ALPK2: variants seen among roughly 807,000 people sequenced by gnomAD.
ALPK2 encodes the protein alpha-protein kinase 2.
In ALPK2, 127 loss-of-function variants were observed where a neutral mutation model predicts 163.1. That is an observed-to-expected ratio of 0.78 (90% CI 0.67 to 0.90). ALPK2 has a LOEUF of 0.90. ALPK2 is among the 40% of genes least tolerant of loss of function. ALPK2 has a pLI of 0.00. For synonymous variants in ALPK2, 953 were observed against 959.1 expected (o/e 0.99, Z 0.12); for missense variants, 2,360 against 2,589.6 (o/e 0.91, Z 1.92).
At chr18:58,504,784 T>C (rs1363392286) in intron 10 of ALPK2, among the ~76,000 whole-genome samples, 1 of 152,080 alleles carries the variant, frequency 6.6e-6, no homozygotes, top group African/African-American at 2.4e-5. Context: ...GGCAGCTGTC[T>C]TATGTAGGGA....
At chr18:58,531,312 C>T (rs533259719) in intron 5 of ALPK2, among the ~76,000 whole-genome samples, 1 of 152,164 alleles carries the variant, frequency 6.6e-6, no homozygotes, top group East Asian at 1.9e-4. Flanking sequence ...GGTGGGAAGG[C>T]ATTAAATCTG....
At chr18:58,569,660 G>A (rs1228117267) in intron 4 of ALPK2, among the ~76,000 whole-genome samples, 1 of 152,174 alleles carries the variant, frequency 6.6e-6, no homozygotes, top group East Asian at 1.9e-4. Flanking sequence ...AATAACTGTA[G>A]TAAGCCAGGA....
At chr18:58,528,265 G>A (rs912362550) in intron 6 of ALPK2, among the ~76,000 whole-genome samples, 2 of 152,082 alleles carry the variant, frequency 1.3e-5, no homozygotes, top group African/African-American at 4.8e-5. Context: ...GACGCAGTGG[G>A]TCACTCCTGT....
chr18:58,627,044 T>C (rs1452733339), intron 1 of ALPK2, among the ~76,000 whole-genome samples: 1 of 152,184 alleles, frequency 6.6e-6, no homozygotes, highest in African/African-American at 2.4e-5. Flanking sequence ...AAACTGGGGT[T>C]CAAACAGGTT....
chr18:58,497,207 G>A (rs541717134), intron 12 of ALPK2, among the ~76,000 whole-genome samples: 4 of 152,296 alleles, frequency 2.6e-5, no homozygotes, highest in African/African-American at 4.8e-5. Flanking sequence ...TTGACCTTAC[G>A]ATACCTCATA....
At chr18:58,538,271 C>T (rs1187936699) in intron 4 of ALPK2, 47 bp from the exon 5 acceptor site, 2 of 1,526,424 alleles carry the variant, frequency 1.3e-6, no homozygotes, top group Non-Finnish European at 8.9e-7. Flanking sequence ...ATGGGAGAGC[C>T]CACAATAGGG....
intron 2 of ALPK2, among the ~76,000 whole-genome samples, chr18:58,608,968 AAAG>A (rs1291969707): frequency 2.7e-5 from 4 of 150,422 alleles, no homozygotes; most frequent in Non-Finnish European, 5.9e-5. Context: ...AAAAAAAAAA[AAAG>A]AAAAGAAAAG....
Position 58,537,199 on chromosome 18 carries a change from A to G in ALPK2, c.2988T>C (p.Asn996=), listed in dbSNP as rs188836557. The stretch of plus-strand genomic sequence containing the variant: ...TCTCCCTGGTCGCTTGAAAGCACTC[A>G]TTATTAGCAGTTAATGTTGTTGGCT... ...WEKPTTLTAN[N]ECFQATRETE... The change falls in exon 5 of 13, where the codon AAT becomes AAC. Residue 996 remains asparagine, a synonymous_variant. Coordinates refer to ENST00000361673, the MANE Select transcript of ALPK2 (RefSeq NM_052947.4). 8 of 1,614,114 alleles carry G rather than the reference A, an allele frequency of 5.0e-6. No individual in the cohort carries two copies. The highest frequency in any genetic ancestry group is 6.8e-6 in the Non-Finnish European group (8 of 1,179,986).
In ALPK2 at chr18:58,481,438, T is replaced by G; in HGVS notation, c.*385A>C. On this transcript the variant is annotated 3_prime_UTR_variant, in exon 13 of 13. Transcript: ENST00000361673. ...GCAGGATGTGTCTAGAAATCCCAGG[T>G]TAGGAATGACAGTGGGAAGAATTTT... 1 of 219,514 alleles carries G rather than the reference T, an allele frequency of 4.6e-6. No individual in the cohort carries two copies. Among genetic ancestry groups the G allele is most frequent in the Non-Finnish European group, 9.1e-6 (1 of 109,754 alleles). The allele number at this position is 219,514 out of a possible 1,614,324, so 13.6% of individuals were successfully genotyped here.
intron 4 of ALPK2, among the ~76,000 whole-genome samples, chr18:58,551,259 G>T (rs74761793): frequency 2.6e-5 from 4 of 152,156 alleles, no homozygotes; most frequent in Non-Finnish European, 5.9e-5. Flanking sequence ...GGCCAGAAGT[G>T]TGCATTCAAG....
At chr18:58,534,727 C>A in intron 5 of ALPK2, 107 bp downstream of exon 5, 1 of 1,417,482 alleles carries the variant, frequency 7.1e-7, no homozygotes. Flanking sequence ...CAATGCCCAC[C>A]TGGGGGACAC....
rs1156412157 is a variant in ALPK2, at chr18:58,551,123, C to CAAAA, written c.1963-12900_1963-12899insTTTT. Among the ~76,000 whole-genome samples the CAAAA allele has an allele frequency of 2.0e-3, 249 of 125,496 alleles. 1 individual carries two copies. The highest frequency in any genetic ancestry group is 4.3e-3 in the Admixed American group (52 of 12,122). The allele number at this position is 125,496 out of a possible 152,430, so 82.3% of individuals were successfully genotyped here. A position where few individuals can be genotyped will look rare whatever the true frequency, so the allele number is the denominator to read the frequency against. On this transcript the variant is annotated intron_variant, in intron 4 of 12. Coordinates refer to ENST00000361673, the MANE Select transcript of ALPK2 (RefSeq NM_052947.4). ...GAAACAAAAATGGAAAAAAAAAAAC[C>CAAAA]CACATTTTTTTTCTTAATAATTCAC...
chr18:58,502,808 C>T (rs76724286), intron 11 of ALPK2, among the ~76,000 whole-genome samples: 2,524 of 152,344 alleles, frequency 0.017, 76 homozygotes, highest in African/African-American at 0.057. Flanking sequence ...TTTTATCCGG[C>T]TTAGCTTGCC....
intron 4 of ALPK2, among the ~76,000 whole-genome samples, chr18:58,551,203 A>C (rs1007094366): frequency 6.6e-6 from 1 of 152,142 alleles, no homozygotes; most frequent in African/African-American, 2.4e-5. Flanking sequence ...AATGACCACA[A>C]ACTGGGCAGC....
At chr18:58,512,648 GGT>G (rs554665769) in intron 10 of ALPK2, among the ~76,000 whole-genome samples, 1,526 of 151,340 alleles carry the variant, frequency 0.01, 20 homozygotes, top group African/African-American at 0.035. Context: ...ACGTATGTGT[GGT>G]GTGTGTGTGC....
chr18:58,553,668 C>T (rs946603225), intron 4 of ALPK2, among the ~76,000 whole-genome samples: 2 of 152,028 alleles, frequency 1.3e-5, no homozygotes, highest in African/African-American at 4.8e-5. Context: ...AGGGCCTGTT[C>T]CCTGCTTCAC....
intron 8 of ALPK2, among the ~76,000 whole-genome samples, chr18:58,522,703 G>A (rs1436120668): frequency 2.6e-5 from 4 of 152,122 alleles, no homozygotes; most frequent in Non-Finnish European, 4.4e-5. Flanking sequence ...CCCAGTAGCT[G>A]AAAAATCCCA....
intron 4 of ALPK2, 78 bp downstream of exon 4, chr18:58,578,736 A>ACACACACGCGCGCATGCGCGCG (rs773192836): frequency 2.8e-5 from 21 of 760,806 alleles, no homozygotes; most frequent in Non-Finnish European, 4.1e-5. Context: ...AGGAAGAGAC[A>ACACACACGCGCGCATGCGCGCG]CACACACACA....
Position 58,579,428 on chromosome 18 carries a change from T to C in ALPK2, c.1348A>G (p.Lys450Glu), listed in dbSNP as rs1428282946. The C allele has an allele frequency of 1.3e-5, 21 of 1,613,998 alleles. No homozygotes were observed. In the South Asian group the frequency reaches 1.4e-4, roughly 11 times the overall value. ...GCAGCCTCGGGAGCAGTGGGGAGTT[T>C]ATATCTCCCCTGTTCTGTCACTGAA... ...TSSVTEQGRY[K>E]LPTAPEAAEN... is the part of the protein sequence containing the mutation. Residue 450 changes from lysine (K) to glutamate (E), a missense_variant, in exon 4 of 13, where the codon AAA (lysine) becomes GAA (glutamate). By Grantham distance (56) the Lys-to-Glu change is moderately conservative. Coordinates refer to ENST00000361673, the MANE Select transcript of ALPK2 (RefSeq NM_052947.4).
Sources: gnomAD v4.1 joint callset for allele counts (sites outside exome capture counted in the v4.1 genomes callset) on GRCh38, gnomAD v4.1.1 for gene constraint, MANE v1.5 for transcripts, NCBI Gene and HGNC (gene_info 2026-07-23, HGNC 2026-07-21) for gene names.